Variants in SYNE2 observed in about 807,000 individuals in gnomAD.
SYNE2 encodes nesprin-2.
Under a neutral mutation model 856.3 loss-of-function variants are expected in SYNE2, and 431 were observed. The ratio of observed to expected loss-of-function variants is 0.50; its 90% CI spans 0.47 to 0.55. The LOEUF (loss-of-function observed/expected upper bound fraction) is 0.55, where lower values mean the gene tolerates loss of function less well. Ranked by LOEUF, SYNE2 falls within the 20% of genes least tolerant of loss-of-function variation. SYNE2 has a pLI of 0.00. For missense variants in SYNE2, 8,129 were observed against 8,023.2 expected, an observed-to-expected ratio of 1.01 and a Z score of -0.50; for synonymous variants, 2,923 against 2,872.3, an observed-to-expected ratio of 1.02 and a Z score of -0.56.
At chr14:63,836,356 A>G (rs1230897706) in intron 1 of SYNE2, among the ~76,000 whole-genome samples, 1 of 152,138 alleles carries the variant, frequency 6.6e-6, no homozygotes, top group Non-Finnish European at 1.5e-5. Flanking sequence ...CTCACCATTT[A>G]TGTATTATAA....
intron 1 of SYNE2, among the ~76,000 whole-genome samples, chr14:63,828,163 C>T (rs1232770179): frequency 6.6e-6 from 1 of 151,394 alleles, no homozygotes; most frequent in Non-Finnish European, 1.5e-5. Context: ...TGCCACTGCA[C>T]TTCAGCCTGG....
At chr14:63,982,476 C>T (rs998888799) in intron 16 of SYNE2, among the ~76,000 whole-genome samples, 154 bp from the exon 17 acceptor site, 9 of 141,688 alleles carry the variant, frequency 6.4e-5, no homozygotes, top group Non-Finnish European at 1.4e-4. Flanking sequence ...ACCTTGATTG[C>T]GCCACTGCAC....
At chr14:63,853,318 C>T (rs956095316) in intron 1 of SYNE2, among the ~76,000 whole-genome samples, 175 bp downstream of exon 1, 2 of 151,654 alleles carry the variant, frequency 1.3e-5, no homozygotes, top group African/African-American at 2.4e-5. Context: ...AAACTTTGCT[C>T]GGGTGGGGAG....
intron 1 of SYNE2, among the ~76,000 whole-genome samples, chr14:63,905,777 G>A (rs1259209674): frequency 6.6e-6 from 1 of 152,090 alleles, no homozygotes; most frequent in South Asian, 2.1e-4. Flanking sequence ...TTCCTATTTG[G>A]ATGCCTTTTA....
intron 1 of SYNE2, among the ~76,000 whole-genome samples, chr14:63,773,962 A>G (rs1448916988): frequency 6.6e-6 from 1 of 152,196 alleles, no homozygotes; most frequent in African/African-American, 2.4e-5. Context: ...AAAATTATTA[A>G]TGCTTTGCAT....
intron 100 of SYNE2, among the ~76,000 whole-genome samples, chr14:64,203,287 A>G (rs947237287): frequency 6.6e-6 from 1 of 152,182 alleles, no homozygotes; most frequent in African/African-American, 2.4e-5. Context: ...TTGAAAGGCA[A>G]TGAATTGAAA....
chr14:64,158,776 G>A lies in SYNE2; in HGVS notation c.15944G>A (p.Cys5315Tyr), dbSNP rs758463092. The change falls in exon 86 of 116, where the codon TGC becomes TAC. Residue 5315 changes from cysteine to tyrosine, a missense_variant. Physicochemically the swap from Cys to Tyr is radical, Grantham distance 194 (BLOSUM62 -2). This residue lies in a region of SYNE2 where 5,410 missense variants were observed against 5,284.8 expected (regional missense o/e 1.02). Coordinates refer to ENST00000555002, the MANE Select transcript of SYNE2 (RefSeq NM_182914.3). ...GTGTTATCATTGGAGACCTTGAGAT[G>A]CCAGGTGGAGAACCTTCAGGTAAAT... ...PVVLSLETLR[C>Y]QVENLQSLQD... 1.2e-6 allele frequency: 2 copies of A among 1,613,914 alleles called. No individual in the cohort carries two copies. Among genetic ancestry groups the A allele is most frequent in the South Asian group, 2.2e-5 (2 of 91,082 alleles).
chr14:64,224,856 A>C (rs2098711396), intron 114 of SYNE2, 143 bp from the exon 115 acceptor site: 1 of 797,586 alleles, frequency 1.3e-6, no homozygotes, highest in Non-Finnish European at 2.1e-6. Context: ...GTTTAATCTC[A>C]ATTGTATTAC....
chr14:63,910,515 C>A (rs2095460240), intron 2 of SYNE2, among the ~76,000 whole-genome samples: 2 of 152,128 alleles, frequency 1.3e-5, no homozygotes, highest in South Asian at 4.1e-4. Context: ...AAAATAATGT[C>A]TGAATATTCA....
intron 85 of SYNE2, among the ~76,000 whole-genome samples, chr14:64,156,639 A>G (rs944080449): frequency 2.0e-5 from 3 of 151,434 alleles, no homozygotes; most frequent in Non-Finnish European, 2.9e-5. Flanking sequence ...TTGTATTATT[A>G]GTAGAGACAG....
intron 1 of SYNE2, among the ~76,000 whole-genome samples, chr14:63,872,823 C>T (rs2094619246): frequency 6.7e-6 from 1 of 148,732 alleles, no homozygotes; most frequent in South Asian, 2.1e-4. Flanking sequence ...GTATGTTGCA[C>T]ATTCTTCTGC....
intron 82 of SYNE2, among the ~76,000 whole-genome samples, chr14:64,142,349 C>T (rs2098145177): frequency 6.6e-6 from 1 of 152,066 alleles, no homozygotes; most frequent in Non-Finnish European, 1.5e-5. Flanking sequence ...TATCCCCATC[C>T]CACCACCCCC....
At chr14:63,874,463 A>G (rs1253499678) in intron 1 of SYNE2, among the ~76,000 whole-genome samples, 1 of 152,158 alleles carries the variant, frequency 6.6e-6, no homozygotes, top group Admixed American at 6.5e-5. Context: ...TAGATGTCGC[A>G]GGAAGATGAC....
At chr14:63,948,782 GTATATATATATATA>G (rs3062027) in intron 6 of SYNE2, among the ~76,000 whole-genome samples, 1,190 of 43,902 alleles carry the variant, frequency 0.027, 54 homozygotes, top group African/African-American at 0.085. Context: ...ATGTGTGTGT[GTATATATATATATA>G]TATATATATA....
At chr14:64,006,784 C>T (rs573963171) in intron 30 of SYNE2, among the ~76,000 whole-genome samples, 8 of 152,252 alleles carry the variant, frequency 5.3e-5, no homozygotes, top group Non-Finnish European at 7.4e-5. Flanking sequence ...GCTGAGATTG[C>T]GCCACTGCAC....
At chr14:64,191,670 C>G (rs2098519420) in intron 99 of SYNE2, among the ~76,000 whole-genome samples, 1 of 152,170 alleles carries the variant, frequency 6.6e-6, no homozygotes, top group Non-Finnish European at 1.5e-5. Flanking sequence ...TGAGTCATGC[C>G]TGGTTCCTTA....
chr14:64,038,200 G>C (rs924483983), intron 45 of SYNE2, among the ~76,000 whole-genome samples: 2 of 151,794 alleles, frequency 1.3e-5, no homozygotes, highest in African/African-American at 4.8e-5. Flanking sequence ...CATCTCAGAC[G>C]ATGGGCGGCC....
chr14:63,959,549 G>A (rs1302785580), intron 8 of SYNE2, among the ~76,000 whole-genome samples: 1 of 151,802 alleles, frequency 6.6e-6, no homozygotes, highest in Non-Finnish European at 1.5e-5. Context: ...TCGCCGCCTT[G>A]ACCTCACAAA....
At chr14:64,153,547 C>A (rs574267438) in intron 85 of SYNE2, among the ~76,000 whole-genome samples, 19 of 152,318 alleles carry the variant, frequency 1.2e-4, no homozygotes, top group Non-Finnish European at 2.4e-4. Flanking sequence ...ATAGGCAACA[C>A]TCAGCCTCAT....
Sources: gnomAD v4.1 joint callset for allele counts (sites outside exome capture counted in the v4.1 genomes callset) on GRCh38, gnomAD v4.1.1 for gene constraint, gnomAD v4.1.1 regional missense constraint, MANE v1.5 for transcripts, NCBI Gene and HGNC (gene_info 2026-07-23, HGNC 2026-07-21) for gene names.